Variants in MCTP1 observed in about 807,000 individuals in gnomAD.
The protein encoded by MCTP1 is multiple C2 and transmembrane domain containing 1.
In MCTP1, 69 loss-of-function variants were observed where a neutral mutation model predicts 120.6. The observed-to-expected ratio is 0.57, with a 90% CI of 0.47 to 0.70. The LOEUF is 0.70. Among genes scored for constraint, MCTP1 ranks in the 30% least tolerant of loss-of-function variants. MCTP1 has a pLI of 0.00. For missense variants in MCTP1, 1,203 were observed against 1,248.8 expected (o/e 0.96, Z 0.55); for synonymous variants, 529 against 493.1 (o/e 1.07, Z -0.96).
chr5:94,816,711 G>A (rs1784542650), intron 17 of MCTP1, among the ~76,000 whole-genome samples: 1 of 151,984 alleles, frequency 6.6e-6, no homozygotes, highest in Admixed American at 6.6e-5. Flanking sequence ...ATGTGCCATA[G>A]CAATCATTTT....
intron 2 of MCTP1, among the ~76,000 whole-genome samples, chr5:94,954,049 TATATATACAAATATATATGC>T: frequency 1.0e-5 from 1 of 96,824 alleles, no homozygotes. Flanking sequence ...TATATATGCA[TATATATACAAATATATATGC>T]ATATATATAC....
intron 2 of MCTP1, among the ~76,000 whole-genome samples, chr5:94,964,939 T>C (rs942804684): frequency 6.6e-6 from 1 of 152,218 alleles, no homozygotes; most frequent in Non-Finnish European, 1.5e-5. Context: ...AATAATTTTG[T>C]CTTTGAACTT....
chr5:95,113,733 TGA>T (rs1191051196), intron 1 of MCTP1, among the ~76,000 whole-genome samples: 1 of 152,130 alleles, frequency 6.6e-6, no homozygotes, highest in Non-Finnish European at 1.5e-5. Context: ...AACTCCTAAT[TGA>T]GTCCTAGTGC....
chr5:94,978,762 G>A (rs1376873336), intron 2 of MCTP1, among the ~76,000 whole-genome samples: 5 of 152,076 alleles, frequency 3.3e-5, no homozygotes, highest in Non-Finnish European at 5.9e-5. Context: ...AGATGAATAC[G>A]TTTTTGAGAT....
intron 17 of MCTP1, among the ~76,000 whole-genome samples, chr5:94,835,228 T>C (rs1015012746): frequency 1.3e-5 from 2 of 152,236 alleles, no homozygotes; most frequent in African/African-American, 4.8e-5. Context: ...AATTATTAAC[T>C]GATTCTCTAC....
At chr5:95,193,633 G>A (rs573333029) in intron 1 of MCTP1, among the ~76,000 whole-genome samples, 4 of 152,080 alleles carry the variant, frequency 2.6e-5, no homozygotes, top group African/African-American at 7.2e-5. Context: ...GATAAACTAC[G>A]AACCATTAAC....
intron 1 of MCTP1, among the ~76,000 whole-genome samples, chr5:95,134,365 G>A (rs1759278221): frequency 6.6e-6 from 1 of 152,124 alleles, no homozygotes; most frequent in South Asian, 2.1e-4. Flanking sequence ...TAAAAGAATG[G>A]CATACAATGT....
At chr5:94,826,702 G>T in intron 17 of MCTP1, 1 of 510,434 alleles carries the variant, frequency 2.0e-6, no homozygotes, top group South Asian at 2.2e-5. Flanking sequence ...CATGGTTCCA[G>T]CTGGAAAAAG....
At chr5:94,969,287 G>A (rs32918) in intron 2 of MCTP1, among the ~76,000 whole-genome samples, 6,593 of 152,140 alleles carry the variant, frequency 0.043, 180 homozygotes, top group East Asian at 0.088. Context: ...ACAACTAAAC[G>A]TGGTCTGAAT....
At chr5:94,773,055 A>G (rs561108264) in intron 19 of MCTP1, among the ~76,000 whole-genome samples, 4 of 152,308 alleles carry the variant, frequency 2.6e-5, no homozygotes, top group African/African-American at 9.6e-5. Context: ...ACTCAAAGTG[A>G]GTGGGCTATC....
intron 1 of MCTP1, among the ~76,000 whole-genome samples, chr5:95,071,210 G>A (rs998681588): frequency 2.0e-5 from 3 of 152,194 alleles, no homozygotes; most frequent in African/African-American, 7.2e-5. Flanking sequence ...GCATACCTAT[G>A]ACACCAGATC....
intron 1 of MCTP1, among the ~76,000 whole-genome samples, chr5:95,090,376 A>G (rs1755752356): frequency 6.6e-6 from 1 of 152,190 alleles, no homozygotes; most frequent in South Asian, 2.1e-4. Context: ...CATTTTATGC[A>G]CACTCTTGAA....
At chr5:94,959,808 T>C (rs150109208) in intron 2 of MCTP1, among the ~76,000 whole-genome samples, 11 of 152,266 alleles carry the variant, frequency 7.2e-5, no homozygotes, top group African/African-American at 2.6e-4. Context: ...TGCTCATGAA[T>C]AGGAAGAATC....
At chr5:95,210,926 A>G (rs923268253) in intron 1 of MCTP1, among the ~76,000 whole-genome samples, 9 of 151,836 alleles carry the variant, frequency 5.9e-5, no homozygotes, top group Admixed American at 1.3e-4. Context: ...TTTCTCCTTC[A>G]CTTATGAAGC....
chr5:94,715,370 A>C (rs1360229664), intron 19 of MCTP1, among the ~76,000 whole-genome samples: 7 of 148,708 alleles, frequency 4.7e-5, no homozygotes, highest in Non-Finnish European at 8.9e-5. Context: ...CTACAAAAAA[A>C]AAAAAAAAAA....
At chr5:94,822,024 G>A (rs572531873) in intron 17 of MCTP1, among the ~76,000 whole-genome samples, 1 of 152,014 alleles carries the variant, frequency 6.6e-6, no homozygotes, top group Non-Finnish European at 1.5e-5. Context: ...CTGCAGTTTT[G>A]CCATTAAATT....
chr5:94,791,983 C>T (rs1007861310), intron 18 of MCTP1: 2 of 152,456 alleles, frequency 1.3e-5, no homozygotes, highest in African/African-American at 2.4e-5. Context: ...GGAGGAGCCC[C>T]GAAGACCATC....
chr5:95,241,477 G>A (rs1245110898), intron 1 of MCTP1, among the ~76,000 whole-genome samples: 1 of 152,148 alleles, frequency 6.6e-6, no homozygotes, highest in Non-Finnish European at 1.5e-5. Flanking sequence ...AGATTCCTCT[G>A]AATTCACAAG....
At chr5:94,901,555 T>G (rs1416539348) in intron 10 of MCTP1, among the ~76,000 whole-genome samples, 1 of 152,040 alleles carries the variant, frequency 6.6e-6, no homozygotes, top group Non-Finnish European at 1.5e-5. Flanking sequence ...AATTAAGTGA[T>G]GGCAAGAACT....
Sources: gnomAD v4.1 joint callset for allele counts (sites outside exome capture counted in the v4.1 genomes callset) on GRCh38, gnomAD v4.1.1 for gene constraint, MANE v1.5 for transcripts, NCBI Gene and HGNC (gene_info 2026-07-23, HGNC 2026-07-21) for gene names.